HCN1: variants seen among roughly 807,000 people sequenced by gnomAD.
HCN1 encodes the protein potassium/sodium hyperpolarization-activated cyclic nucleotide-gated channel 1.
HCN1 carries 13 observed loss-of-function variants against 78.9 expected under a neutral mutation model. The observed-to-expected ratio is 0.16, with a 90% CI of 0.11 to 0.26. The LOEUF (loss-of-function observed/expected upper bound fraction) is 0.26. Ranked by LOEUF, HCN1 falls within the 10% of genes least tolerant of loss-of-function variation. The probability of loss-of-function intolerance (pLI) is 1.00; values close to 1 mark genes in which losing one functional copy is unlikely to be tolerated. For synonymous variants in HCN1, 552 were observed against 455.5 expected (o/e 1.21, Z -2.70); for missense variants, 810 against 1,154.3 (o/e 0.70, Z 4.32).
At chr5:45,682,586 C>A (rs1023452824) in intron 1 of HCN1, among the ~76,000 whole-genome samples, 3 of 151,714 alleles carry the variant, frequency 2.0e-5, no homozygotes, top group Non-Finnish European at 4.4e-5. Context: ...ACTCTGCTTA[C>A]TTCTAGCTTT....
chr5:45,297,452 C>T (rs1446455217), intron 6 of HCN1, among the ~76,000 whole-genome samples: 2 of 152,064 alleles, frequency 1.3e-5, no homozygotes, highest in Non-Finnish European at 1.5e-5. Flanking sequence ...GGGGGGCTTG[C>T]TCCCAACATC....
intron 3 of HCN1, among the ~76,000 whole-genome samples, chr5:45,447,572 C>G (rs2111588207): frequency 6.6e-6 from 1 of 152,240 alleles, no homozygotes; most frequent in South Asian, 2.1e-4. Flanking sequence ...GAAAATAACT[C>G]CGATCTGAAG....
At chr5:45,417,214 T>C (rs1375233913) in intron 3 of HCN1, among the ~76,000 whole-genome samples, 1 of 152,014 alleles carries the variant, frequency 6.6e-6, no homozygotes. Context: ...AGTTGACATT[T>C]TTTTTGTCTC....
At chr5:45,501,029 G>A (rs1579934382) in intron 2 of HCN1, among the ~76,000 whole-genome samples, 1 of 152,118 alleles carries the variant, frequency 6.6e-6, no homozygotes, top group Non-Finnish European at 1.5e-5. Context: ...TGCTAACAGA[G>A]CAAGTAAAAT....
chr5:45,262,436 C>T lies in HCN1; in HGVS notation c.2158G>A (p.Ala720Thr). The change falls in exon 8 of 8, where the codon GCC (alanine) becomes ACC (threonine). Residue 720 changes from alanine (A) to threonine (T), a missense_variant. Physicochemically the swap from Ala to Thr is moderately conservative, Grantham distance 58. Coordinates refer to ENST00000303230, the MANE Select transcript of HCN1 (RefSeq NM_021072.4). ...GACAGCTGGGAGGCGGTGGGGGAGG[C>T]ATAGTGGAAAGTTCGAGCGGCCAGA... ...SPLAARTFHY[A>T]SPTASQLSLM... is the part of the protein sequence containing the mutation. The T allele has an allele frequency of 1.2e-6, 2 of 1,611,618 alleles. No individual in the cohort carries two copies. The highest frequency in any genetic ancestry group is 1.1e-5 in the South Asian group (1 of 91,014).
At chr5:45,342,649 C>A (rs538928864) in intron 5 of HCN1, among the ~76,000 whole-genome samples, 184 of 152,036 alleles carry the variant, frequency 1.2e-3, no homozygotes, top group African/African-American at 4.2e-3. Context: ...ATAAACTAAC[C>A]AATAGCAGAT....
At chr5:45,580,629 C>CATTAAA (rs1744045402) in intron 2 of HCN1, among the ~76,000 whole-genome samples, 1 of 151,998 alleles carries the variant, frequency 6.6e-6, no homozygotes, top group African/African-American at 2.4e-5. Context: ...TGTAGGTGTG[C>CATTAAA]TGCACCCATT....
intron 5 of HCN1, among the ~76,000 whole-genome samples, chr5:45,348,507 C>A (rs1561118023): frequency 6.6e-6 from 1 of 152,138 alleles, no homozygotes; most frequent in African/African-American, 2.4e-5. Context: ...ATCAAATTCA[C>A]ACATAACGAT....
In HCN1 at chr5:45,600,574, G is replaced by A. The variant is rs558234946; in HGVS notation, c.849+44611C>T. 6.7e-4 allele frequency among the ~76,000 whole-genome samples: 102 copies of A among 152,216 alleles called. 2 individuals carry two copies. The highest frequency in any genetic ancestry group is 3.3e-4 in the Admixed American group (5 of 15,270). On this transcript the variant is annotated intron_variant, in intron 2 of 7. Coordinates refer to ENST00000303230, the MANE Select transcript of HCN1 (RefSeq NM_021072.4). ...CAAAAATTCTCAGGCCAGCTCATCC[G>A]CAAGGAGAGATCTTAACAACATCTC...
At chr5:45,316,565 G>A (rs1280607109) in intron 5 of HCN1, among the ~76,000 whole-genome samples, 8 of 152,082 alleles carry the variant, frequency 5.3e-5, no homozygotes, top group Non-Finnish European at 1.0e-4. Flanking sequence ...TCTGGCCAGG[G>A]CAATCAGGCA....
intron 3 of HCN1, among the ~76,000 whole-genome samples, chr5:45,456,700 C>T (rs1368347575): frequency 5.3e-5 from 8 of 151,798 alleles, no homozygotes; most frequent in Non-Finnish European, 1.2e-4. Flanking sequence ...TTTGCTAAAA[C>T]CAAGTAGGTG....
At chr5:45,292,962 T>A (rs1168534082) in intron 6 of HCN1, among the ~76,000 whole-genome samples, 2 of 152,020 alleles carry the variant, frequency 1.3e-5, no homozygotes, top group Non-Finnish European at 2.9e-5. Context: ...ACATATGAAA[T>A]AATAATTGAA....
Position 45,696,282 on chromosome 5 carries a change from C to G in HCN1, c.-189G>C. On this transcript the variant is annotated 5_prime_UTR_variant, in exon 1 of 8. Transcript: ENST00000303230. The stretch of plus-strand genomic sequence containing the variant: ...GCCGCTGCTAGCTGCGCGCCTGGCT[C>G]CCGCCGCCGCCGCTGCCCTTAGTGG... 1 of 153,518 alleles carries G rather than the reference C, an allele frequency of 6.5e-6. No individual in the cohort carries two copies. The highest frequency in any genetic ancestry group is 1.4e-5 in the Non-Finnish European group (1 of 69,748). 9.5% of individuals were successfully genotyped at this position (153,518 alleles called of 1,614,324 possible). A position where few individuals can be genotyped will look rare whatever the true frequency, so the allele number is the denominator to read the frequency against.
At chr5:45,549,951 C>T (rs893890911) in intron 2 of HCN1, among the ~76,000 whole-genome samples, 12 of 152,126 alleles carry the variant, frequency 7.9e-5, no homozygotes, top group African/African-American at 2.9e-4. Flanking sequence ...CAGTGAGATA[C>T]CATCTCACAC....
chr5:45,457,845 T>A (rs1361637359), intron 3 of HCN1, among the ~76,000 whole-genome samples: 1 of 152,114 alleles, frequency 6.6e-6, no homozygotes, highest in African/African-American at 2.4e-5. Flanking sequence ...AATAACAATA[T>A]TAACCTGTTC....
chr5:45,262,145 G>A lies in HCN1; in HGVS notation c.2449C>T (p.Gln817Ter). ...TVGESLASIP[Q>*]PVTAVPGTGL... ...GTTCCGGGGACCGCCGTCACGGGTTGAGGGATGGAGGCCAGGGACTCGCCC... is the reference window on the plus strand; with the variant it reads ...GTTCCGGGGACCGCCGTCACGGGTTAAGGGATGGAGGCCAGGGACTCGCCC... The change falls in exon 8 of 8, where the codon CAA becomes TAA. Residue 817 changes from glutamine to a stop codon, truncating the protein, a stop_gained. Transcript: ENST00000303230. LOFTEE classifies it high-confidence loss of function. 1 of 1,613,692 alleles carries A rather than the reference G, an allele frequency of 6.2e-7. No individual in the cohort carries two copies. Among genetic ancestry groups the A allele is most frequent in the Non-Finnish European group, 8.5e-7 (1 of 1,179,842 alleles).
chr5:45,502,693 C>A (rs1027892442), intron 2 of HCN1, among the ~76,000 whole-genome samples: 4 of 151,970 alleles, frequency 2.6e-5, no homozygotes, highest in African/African-American at 9.7e-5. Flanking sequence ...TAAAATTGTG[C>A]TTCTAAATTG....
chr5:45,611,250 CT>C lies in HCN1; in HGVS notation c.849+33934del, dbSNP rs1250521661. ...TATTTTTTGTAGAGATGAGATTTTT[CT>C]TTTTTTTTTATCTTTTTCTTTTTTT... On this transcript the variant is annotated intron_variant, in intron 2 of 7. Coordinates refer to ENST00000303230, the MANE Select transcript of HCN1 (RefSeq NM_021072.4). Among the ~76,000 whole-genome samples the C allele has an allele frequency of 4.0e-3, 437 of 110,452 alleles. 2 individuals are homozygous for C. Among genetic ancestry groups the C allele is most frequent in the South Asian group, 5.9e-3 (18 of 3,070 alleles). The allele number at this position is 110,452 out of a possible 152,430, so 72.5% of individuals were successfully genotyped here.
chr5:45,456,210 A>T (rs1741026060), intron 3 of HCN1, among the ~76,000 whole-genome samples: 1 of 152,028 alleles, frequency 6.6e-6, no homozygotes, highest in South Asian at 2.1e-4. Context: ...TAAATTCAGT[A>T]ATTTAGAGTA....
Sources: gnomAD v4.1 joint callset for allele counts (sites outside exome capture counted in the v4.1 genomes callset) on GRCh38, gnomAD v4.1.1 for gene constraint, MANE v1.5 for transcripts, NCBI Gene and HGNC (gene_info 2026-07-23, HGNC 2026-07-21) for gene names.